Variants in UBE3D observed in about 807,000 individuals in gnomAD.
UBE3D encodes E3 ubiquitin-protein ligase E3D.
In UBE3D, 48 loss-of-function variants were observed where a neutral mutation model predicts 49.6. That is an observed-to-expected ratio of 0.97 (90% CI 0.77 to 1.23). UBE3D has a LOEUF of 1.23. Among genes scored for constraint, UBE3D ranks in the 50% most tolerant of loss-of-function variants. UBE3D has a pLI of 0.00. For missense variants in UBE3D, 452 were observed against 468.4 expected (o/e 0.96, Z 0.32); for synonymous variants, 189 against 174.2 (o/e 1.08, Z -0.67).
intron 8 of UBE3D, among the ~76,000 whole-genome samples, chr6:82,961,531 G>T (rs1468144816): frequency 6.6e-6 from 1 of 152,178 alleles, no homozygotes; most frequent in African/African-American, 2.4e-5. Flanking sequence ...ATTCAGTCAG[G>T]TCAGCCCGAA....
chr6:82,977,113 C>CAAAA lies in UBE3D; in HGVS notation c.1011-19667_1011-19664dup, dbSNP rs58424434. Among the ~76,000 whole-genome samples, 25 of 42,580 alleles carry CAAAA rather than the reference C, an allele frequency of 5.9e-4. 1 individual carries two copies. Among genetic ancestry groups the CAAAA allele is most frequent in the East Asian group, 3.5e-3 (4 of 1,154 alleles). The allele number at this position is 42,580 out of a possible 152,430, so 27.9% of individuals were successfully genotyped here. On this transcript the variant is annotated intron_variant, in intron 8 of 9. Transcript: ENST00000369747. ...TGGGTGATAGAGCAAGACTCCATCT[C>CAAAA]AAAAAAAAAAAAAAAAAAAAAAAAA... is the stretch of plus-strand genomic sequence containing the variant.
At chr6:82,958,851 C>T (rs1404453853) in intron 8 of UBE3D, among the ~76,000 whole-genome samples, 1 of 152,148 alleles carries the variant, frequency 6.6e-6, no homozygotes, top group Non-Finnish European at 1.5e-5. Context: ...AAGGAAGTGG[C>T]CAAAGCAAGA....
At chr6:82,902,604 G>T (rs993933071) in intron 9 of UBE3D, among the ~76,000 whole-genome samples, 1 of 152,166 alleles carries the variant, frequency 6.6e-6, no homozygotes, top group Non-Finnish European at 1.5e-5. Context: ...TGATTGCAGG[G>T]GTTAAGGATG....
At chr6:82,881,605 A>G in the UBE3D span, among the ~76,000 whole-genome samples, 1 of 152,184 alleles carries the variant, frequency 6.6e-6, no homozygotes, top group East Asian at 1.9e-4. Flanking sequence ...TTAGAAAAAG[A>G]GGCTGAGTGC....
intron 3 of UBE3D, among the ~76,000 whole-genome samples, chr6:83,053,265 CAGGT>C (rs1431896216): frequency 6.6e-6 from 1 of 151,930 alleles, no homozygotes; most frequent in Non-Finnish European, 1.5e-5. Context: ...CTTGAGGACA[CAGGT>C]AGAAGTACAG....
Position 82,957,897 on chromosome 6 carries a change from C to T in UBE3D, c.1011-447G>A, listed in dbSNP as rs12190329. ...CTGAGCTGGATAGGCCCTTATGGAACATTTAGCTCAGTGATTTTCAAACTT... is the reference window on the plus strand; with the variant it reads ...CTGAGCTGGATAGGCCCTTATGGAATATTTAGCTCAGTGATTTTCAAACTT... On this transcript the variant is annotated intron_variant, in intron 8 of 9. Coordinates refer to ENST00000369747, the MANE Select transcript of UBE3D (RefSeq NM_198920.3). Among the ~76,000 whole-genome samples, 308 of 152,144 alleles carry T rather than the reference C, an allele frequency of 2.0e-3. 1 individual carries two copies. Among genetic ancestry groups the T allele is most frequent in the Non-Finnish European group, 3.1e-3 (213 of 67,982 alleles).
chr6:82,898,254 G>T (rs1225666202), intron 9 of UBE3D, among the ~76,000 whole-genome samples: 1 of 152,218 alleles, frequency 6.6e-6, no homozygotes. Context: ...GTTCAACATT[G>T]TGGAAGACAG....
intron 9 of UBE3D, among the ~76,000 whole-genome samples, chr6:82,949,986 C>G (rs951354173): frequency 6.6e-6 from 1 of 152,116 alleles, no homozygotes; most frequent in African/African-American, 2.4e-5. Context: ...CCCACAAGCA[C>G]AGGCAACTAA....
intron 8 of UBE3D, among the ~76,000 whole-genome samples, chr6:83,003,038 C>A (rs1779738178): frequency 6.6e-6 from 1 of 152,066 alleles, no homozygotes; most frequent in South Asian, 2.1e-4. Context: ...CTTTGTTCTC[C>A]TGCTTCAAAA....
chr6:83,065,676 G>C lies in UBE3D; in HGVS notation c.43C>G (p.Arg15Gly). Residue 15 changes from arginine (R) to glycine (G), a missense_variant, in exon 1 of 10, where the codon CGG becomes GGG. By Grantham distance (125) the Arg-to-Gly change is moderately radical. Coordinates refer to ENST00000369747, the MANE Select transcript of UBE3D (RefSeq NM_198920.3). ...AGAAGCGCGCTCTGCAGCTGTCCCC[G>C]CACCTCCAGAAACACGCGCGTCTCC... ...AAETRVFLEV[R>G]GQLQSALLIL... 6.2e-7 allele frequency: 1 copy of C among 1,613,548 alleles called. No individual in the cohort carries two copies. Among genetic ancestry groups the C allele is most frequent in the Non-Finnish European group, 8.5e-7 (1 of 1,179,766 alleles).
At position 83,022,543 on chromosome 6, in the gene UBE3D, G is replaced by A. The variant is rs147226676; in HGVS notation, c.756C>T (p.Ser252=). The change falls in exon 7 of 10, where the codon AGC becomes AGT. Residue 252 remains serine, a synonymous_variant. Coordinates refer to ENST00000369747, the MANE Select transcript of UBE3D (RefSeq NM_198920.3). ...GCTGCACCAGACACTGGGCGATCAC[G>A]CTCTGGACAAACCAAGACCTGTTTG... ...PIIPRSWFVQ[S]VIAQCLVQLS... 1.3e-5 allele frequency: 21 copies of A among 1,594,504 alleles called. No individual in the cohort carries two copies. The highest frequency in any genetic ancestry group is 1.7e-4 in the Middle Eastern group (1 of 6,010).
chr6:82,902,004 A>C (rs1231278725), intron 9 of UBE3D, among the ~76,000 whole-genome samples: 1 of 152,184 alleles, frequency 6.6e-6, no homozygotes, highest in Non-Finnish European at 1.5e-5. Flanking sequence ...ATATGCCCTG[A>C]TGTGGCATAT....
intron 5 of UBE3D, chr6:83,037,467 T>C (rs1030831016): frequency 6.6e-6 from 1 of 152,228 alleles, no homozygotes; most frequent in Non-Finnish European, 1.5e-5. Context: ...TTCTAAGGTG[T>C]TGCTTCAGAG....
At chr6:83,008,850 C>T (rs1169007349) in intron 8 of UBE3D, among the ~76,000 whole-genome samples, 1 of 152,152 alleles carries the variant, frequency 6.6e-6, no homozygotes, top group Non-Finnish European at 1.5e-5. Context: ...ACTTCTCTTC[C>T]TACCTCGGGG....
chr6:83,008,721 T>C (rs1368102852), intron 8 of UBE3D, among the ~76,000 whole-genome samples: 1 of 152,192 alleles, frequency 6.6e-6, no homozygotes, highest in Admixed American at 6.5e-5. Context: ...AAATAGTTAA[T>C]ACACCACCCC....
intron 6 of UBE3D, 33 bp from the exon 7 acceptor site, chr6:83,022,594 T>C (rs1781182567): frequency 1.3e-6 from 2 of 1,492,546 alleles, no homozygotes; most frequent in East Asian, 2.4e-5. Flanking sequence ...TTACAATGTG[T>C]ATCTCATAAT....
intron 1 of UBE3D, among the ~76,000 whole-genome samples, chr6:83,059,003 A>T (rs917825653): frequency 6.6e-6 from 1 of 152,228 alleles, no homozygotes; most frequent in Non-Finnish European, 1.5e-5. Context: ...ACCAGATAGT[A>T]AATATTTTAG....
intron 1 of UBE3D, among the ~76,000 whole-genome samples, chr6:83,064,580 G>A (rs919670367): frequency 1.3e-5 from 2 of 152,126 alleles, no homozygotes; most frequent in South Asian, 4.1e-4. Flanking sequence ...TGCATGAGAG[G>A]AAGGGAGGGT....
chr6:82,883,261 T>C, the UBE3D span, among the ~76,000 whole-genome samples: 2 of 152,186 alleles, frequency 1.3e-5, no homozygotes, highest in African/African-American at 4.8e-5. Flanking sequence ...GAAGTGATAT[T>C]GGAAATAAAT....
Sources: allele counts gnomAD v4.1 joint callset (sites outside exome capture counted in the v4.1 genomes callset), GRCh38; gene constraint gnomAD v4.1.1; transcripts MANE v1.5; gene names NCBI Gene and HGNC (gene_info 2026-07-23, HGNC 2026-07-21).